Variants in SOX5 observed in about 807,000 individuals in gnomAD.
SOX5 encodes the protein transcription factor SOX-5.
Under a neutral mutation model 92.0 loss-of-function variants are expected in SOX5, and 9 were observed. That is an observed-to-expected ratio of 0.10 (90% CI 0.06 to 0.17). SOX5 has a LOEUF of 0.17. SOX5 is among the 10% of genes least tolerant of loss of function. SOX5 has a pLI of 1.00. For synonymous variants in SOX5, 344 were observed against 336.3 expected (o/e 1.02, Z -0.25); for missense variants, 642 against 944.5 (o/e 0.68, Z 4.20).
chr12:23,704,715 T>TATATATATATATATATATACAC (rs1434949526), intron 6 of SOX5, among the ~76,000 whole-genome samples: 1 of 108,362 alleles, frequency 9.2e-6, no homozygotes, highest in African/African-American at 3.2e-5. Flanking sequence ...TATATATATA[T>TATATATATATATATATATACAC]ACACACACAC....
chr12:24,469,456 C>T (rs1266705909), intron 1 of SOX5, among the ~76,000 whole-genome samples: 1 of 152,138 alleles, frequency 6.6e-6, no homozygotes, highest in Admixed American at 6.5e-5. Flanking sequence ...TTCTACAGCT[C>T]TTTATTTACG....
intron 1 of SOX5, among the ~76,000 whole-genome samples, chr12:24,421,870 A>G (rs1965967400): frequency 6.6e-6 from 1 of 152,216 alleles, no homozygotes; most frequent in Non-Finnish European, 1.5e-5. Flanking sequence ...TTGCAAATCA[A>G]ATAACCCTCT....
At chr12:24,535,743 G>A (rs1038468441) in intron 1 of SOX5, among the ~76,000 whole-genome samples, 3 of 152,110 alleles carry the variant, frequency 2.0e-5, no homozygotes, top group African/African-American at 7.2e-5. Context: ...TGTTTTCCTC[G>A]TTCTAAAATT....
At chr12:24,553,993 G>A (rs1428754352) in intron 1 of SOX5, among the ~76,000 whole-genome samples, 1 of 152,220 alleles carries the variant, frequency 6.6e-6, no homozygotes, top group Non-Finnish European at 1.5e-5. Context: ...GAAAATTCAA[G>A]ACAGAATTAT....
At chr12:24,174,145 G>A (rs1954533748) in intron 4 of SOX5, among the ~76,000 whole-genome samples, 1 of 151,954 alleles carries the variant, frequency 6.6e-6, no homozygotes, top group Non-Finnish European at 1.5e-5. Context: ...TTACTAGTGT[G>A]CCCCACCATA....
intron 4 of SOX5, among the ~76,000 whole-genome samples, chr12:24,179,856 A>T (rs534926738): frequency 6.6e-6 from 1 of 152,108 alleles, no homozygotes; most frequent in South Asian, 2.1e-4. Context: ...GTTGAGGAGC[A>T]TCTGTATTCT....
chr12:24,243,466 GC>G (rs1937905858), intron 3 of SOX5, among the ~76,000 whole-genome samples: 1 of 152,102 alleles, frequency 6.6e-6, no homozygotes, highest in Non-Finnish European at 1.5e-5. Flanking sequence ...CTCAATAGCA[GC>G]TTTTTAGTAA....
chr12:23,796,596 G>A (rs2095564635), intron 3 of SOX5, among the ~76,000 whole-genome samples: 1 of 152,006 alleles, frequency 6.6e-6, no homozygotes, highest in Non-Finnish European at 1.5e-5. Context: ...TAGGTAGGAG[G>A]AATTAAGTCT....
At chr12:23,890,189 G>A (rs948881472) in intron 2 of SOX5, among the ~76,000 whole-genome samples, 56 of 152,042 alleles carry the variant, frequency 3.7e-4, no homozygotes, top group African/African-American at 1.3e-3. Flanking sequence ...GCATGGTGGC[G>A]GGTGCCTGTA....
Position 23,918,038 on chromosome 12 carries a change from T to A in SOX5, c.39-22014A>T, listed in dbSNP as rs1204596253. Among the ~76,000 whole-genome samples the A allele has an allele frequency of 2.6e-5, 4 of 152,130 alleles. No individual in the cohort carries two copies. In the South Asian group the frequency reaches 8.3e-4, roughly 31 times the overall value. On this transcript the variant is annotated intron_variant, in intron 1 of 14. Transcript: ENST00000451604. ...TTCATAAAATAAAGACTACAAAAAC[T>A]GGTAGTAGGTTATATGAGTTATATT... is the stretch of plus-strand genomic sequence containing the variant.
At chr12:24,315,805 G>A (rs894110487) in intron 2 of SOX5, among the ~76,000 whole-genome samples, 2 of 152,216 alleles carry the variant, frequency 1.3e-5, no homozygotes, top group South Asian at 4.1e-4. Flanking sequence ...TTTCTAGCAC[G>A]TGGTCCTCTT....
At chr12:24,356,833 T>C (rs1479525581) in intron 2 of SOX5, among the ~76,000 whole-genome samples, 3 of 152,262 alleles carry the variant, frequency 2.0e-5, no homozygotes, top group Non-Finnish European at 4.4e-5. Flanking sequence ...TCCAATTACT[T>C]GGACTTAAGT....
chr12:23,582,034 T>G (rs1950113194), intron 9 of SOX5: 1 of 397,502 alleles, frequency 2.5e-6, no homozygotes, highest in Non-Finnish European at 3.4e-6. Context: ...GTAAAGGCAT[T>G]CATGAAACAT....
intron 6 of SOX5, among the ~76,000 whole-genome samples, chr12:23,686,905 G>C (rs1172486280): frequency 6.6e-6 from 1 of 151,998 alleles, no homozygotes; most frequent in African/African-American, 2.4e-5. Flanking sequence ...ACAAATTCCA[G>C]GGATAATTTA....
At chr12:24,173,633 C>T (rs899745281) in intron 4 of SOX5, among the ~76,000 whole-genome samples, 5 of 151,186 alleles carry the variant, frequency 3.3e-5, no homozygotes, top group African/African-American at 1.2e-4. Flanking sequence ...CTTGGGTGCA[C>T]AGAAAAAAAT....
chr12:24,473,448 C>T (rs1002266161), intron 1 of SOX5, among the ~76,000 whole-genome samples: 1 of 152,208 alleles, frequency 6.6e-6, no homozygotes, highest in Non-Finnish European at 1.5e-5. Context: ...ACTCAAAACC[C>T]TTTTAAAGTA....
intron 2 of SOX5, among the ~76,000 whole-genome samples, chr12:23,863,524 C>T (rs1253851199): frequency 6.6e-6 from 1 of 152,094 alleles, no homozygotes; most frequent in Non-Finnish European, 1.5e-5. Flanking sequence ...TGTCATATGG[C>T]TTCTCATCGG....
intron 3 of SOX5, among the ~76,000 whole-genome samples, chr12:23,771,997 C>T (rs1177056202): frequency 6.6e-6 from 1 of 152,238 alleles, no homozygotes; most frequent in East Asian, 1.9e-4. Flanking sequence ...CTTCCTCTGC[C>T]AAAATGGACG....
At chr12:23,856,015 G>A (rs776354409) in intron 2 of SOX5, among the ~76,000 whole-genome samples, 2 of 152,142 alleles carry the variant, frequency 1.3e-5, no homozygotes, top group Non-Finnish European at 2.9e-5. Context: ...TAGGCAGTGA[G>A]TTGAGAAATA....
Sources: gnomAD v4.1 joint callset for allele counts (sites outside exome capture counted in the v4.1 genomes callset) on GRCh38, gnomAD v4.1.1 for gene constraint, MANE v1.5 for transcripts, NCBI Gene and HGNC (gene_info 2026-07-23, HGNC 2026-07-21) for gene names.